Variants in WNT7A observed in about 807,000 individuals in gnomAD.
WNT7A encodes protein Wnt-7a.
A neutral mutation model predicts 28.2 loss-of-function variants in WNT7A; 16 were observed. The observed-to-expected ratio is 0.57, with a 90% confidence interval of 0.38 to 0.86. The LOEUF is 0.86. Ranked by LOEUF, WNT7A falls within the 40% of genes least tolerant of loss-of-function variation. The probability of loss-of-function intolerance (pLI) is 0.00; values close to 1 mark genes in which losing one functional copy is unlikely to be tolerated. For missense variants in WNT7A, 411 were observed against 489.7 expected (o/e 0.84, Z 1.52); for synonymous variants, 190 against 195.9 (o/e 0.97, Z 0.25).
chr3:13,839,405 G>A (rs1694422076), intron 3 of WNT7A, among the ~76,000 whole-genome samples: 1 of 152,220 alleles, frequency 6.6e-6, no homozygotes, highest in African/African-American at 2.4e-5. Flanking sequence ...CGTAACAGGT[G>A]AAATATTAAG....
At chr3:13,858,983 T>C (rs1425138328) in intron 2 of WNT7A, among the ~76,000 whole-genome samples, 2 of 152,152 alleles carry the variant, frequency 1.3e-5, no homozygotes, top group African/African-American at 4.8e-5. Flanking sequence ...CTCTGTGAAA[T>C]GGGTACAATT....
chr3:13,874,432 C>T (rs1307306860), intron 2 of WNT7A, among the ~76,000 whole-genome samples: 4 of 152,166 alleles, frequency 2.6e-5, no homozygotes, highest in African/African-American at 4.8e-5. Flanking sequence ...CCACAGGAGT[C>T]AAGCGGATCA....
At chr3:13,834,686 G>T (rs1392264946) in intron 3 of WNT7A, among the ~76,000 whole-genome samples, 2 of 152,102 alleles carry the variant, frequency 1.3e-5, no homozygotes, top group East Asian at 3.9e-4. Context: ...TCTCCACATG[G>T]CTCCCTTCCT....
intron 2 of WNT7A, among the ~76,000 whole-genome samples, chr3:13,861,543 A>T (rs1694831574): frequency 1.3e-5 from 2 of 152,200 alleles, no homozygotes; most frequent in African/African-American, 4.8e-5. Context: ...CAGGGCAGTG[A>T]TGGGAGTGGG....
Position 13,819,162 on chromosome 3 carries a change from A to T in WNT7A, c.832T>A (p.Cys278Ser). Residue 278 changes from cysteine to serine, a missense_variant, in exon 4 of 4, where the codon TGC (cysteine) becomes AGC (serine). Physicochemically the swap from Cys to Ser is moderately radical, Grantham distance 112. Transcript: ENST00000285018. The stretch of plus-strand genomic sequence containing the variant: ...CTGCCGGTCACCGGGTCCTCCTCGC[A>T]GTAGTTGGGCGACTTCTCGATGTAC... ...LVYIEKSPNY[C>S]EEDPVTGSVG... is the part of the protein sequence containing the mutation. 9 of 1,614,206 alleles carry T rather than the reference A, an allele frequency of 5.6e-6. No individual in the cohort carries two copies. The highest frequency in any genetic ancestry group is 7.6e-6 in the Non-Finnish European group (9 of 1,180,044).
intron 3 of WNT7A, among the ~76,000 whole-genome samples, chr3:13,830,441 C>T (rs1481190431): frequency 6.6e-6 from 1 of 152,116 alleles, no homozygotes; most frequent in Non-Finnish European, 1.5e-5. Flanking sequence ...CTCCAAGCAC[C>T]CACCCTGCAC....
intron 3 of WNT7A, 61 bp from the exon 4 acceptor site, chr3:13,819,484 C>T: frequency 1.3e-6 from 2 of 1,557,462 alleles, no homozygotes; most frequent in South Asian, 2.3e-5. Flanking sequence ...CCAAGTGCAG[C>T]CCCCAGCTCC....
intron 3 of WNT7A, among the ~76,000 whole-genome samples, chr3:13,833,711 G>C (rs1694319273): frequency 6.6e-6 from 1 of 152,210 alleles, no homozygotes; most frequent in Admixed American, 6.5e-5. Context: ...CCTGGGGTGA[G>C]GCAATTGGGT....
intron 3 of WNT7A, among the ~76,000 whole-genome samples, chr3:13,825,941 G>A (rs900037657): frequency 1.3e-5 from 2 of 152,120 alleles, no homozygotes; most frequent in African/African-American, 4.8e-5. Flanking sequence ...AACCCCACCG[G>A]CCACACTCCT....
intron 3 of WNT7A, among the ~76,000 whole-genome samples, chr3:13,822,835 A>G (rs1694134358): frequency 6.6e-6 from 1 of 152,204 alleles, no homozygotes; most frequent in South Asian, 2.1e-4. Flanking sequence ...ACTGAGGGCT[A>G]CTACCGTGGT....
chr3:13,845,835 G>A (rs9864634), intron 3 of WNT7A, among the ~76,000 whole-genome samples: 5,238 of 152,316 alleles, frequency 0.034, 313 homozygotes, highest in African/African-American at 0.12. Flanking sequence ...GAGAGACACC[G>A]AGGCGAGTCT....
intron 1 of WNT7A, among the ~76,000 whole-genome samples, chr3:13,879,203 T>G (rs747459427): frequency 2.6e-5 from 4 of 152,132 alleles, no homozygotes; most frequent in Non-Finnish European, 5.9e-5. Context: ...GAGCGGCGGT[T>G]TATGTTTTTG....
intron 2 of WNT7A, among the ~76,000 whole-genome samples, chr3:13,865,451 T>C (rs1032637412): frequency 6.6e-6 from 1 of 152,142 alleles, no homozygotes; most frequent in Non-Finnish European, 1.5e-5. Context: ...AATGCAGAGA[T>C]GGACAGGATA....
chr3:13,879,829 C>T lies in WNT7A; in HGVS notation c.-13G>A. ...CTTTCCGGTTCATAGTCCCGATTGG[C>T]CGCCGGGGCCGCGGGCCGGGCTGTG... On this transcript the variant is annotated 5_prime_UTR_variant, in exon 1 of 4. Transcript: ENST00000285018. 1 of 1,607,466 alleles carries T rather than the reference C, an allele frequency of 6.2e-7. No individual in the cohort carries two copies. The highest frequency in any genetic ancestry group is 8.5e-7 in the Non-Finnish European group (1 of 1,176,806).
At chr3:13,848,676 T>C (rs1279303081) in intron 3 of WNT7A, among the ~76,000 whole-genome samples, 3 of 152,154 alleles carry the variant, frequency 2.0e-5, no homozygotes, top group Non-Finnish European at 2.9e-5. Flanking sequence ...AAATGGAAAA[T>C]GGTTTGGCAC....
chr3:13,822,481 C>A (rs549130814), intron 3 of WNT7A, among the ~76,000 whole-genome samples: 1 of 152,190 alleles, frequency 6.6e-6, no homozygotes, highest in Non-Finnish European at 1.5e-5. Context: ...GGCCACATAT[C>A]GTGTGATTCC....
chr3:13,879,675 G>T, intron 1 of WNT7A, 71 bp downstream of exon 1: 7 of 1,536,090 alleles, frequency 4.6e-6, no homozygotes, highest in Non-Finnish European at 6.2e-6. Context: ...GCTCGCAGGC[G>T]GCACACCTCC....
chr3:13,856,884 GAAGAAGAAA>G (rs1314908519), intron 2 of WNT7A, among the ~76,000 whole-genome samples: 2,339 of 70,550 alleles, frequency 0.033, 55 homozygotes, highest in African/African-American at 0.098. Context: ...AGAAGAGGAA[GAAGAAGAAA>G]AAGAAGAAGA....
At chr3:13,835,935 C>T (rs79427070) in intron 3 of WNT7A, among the ~76,000 whole-genome samples, 3,842 of 152,198 alleles carry the variant, frequency 0.025, 164 homozygotes, top group African/African-American at 0.087. Context: ...AAGACCACAG[C>T]GTGTATGCTT....
Sources: gnomAD v4.1 joint callset for allele counts (sites outside exome capture counted in the v4.1 genomes callset) on GRCh38, gnomAD v4.1.1 for gene constraint, MANE v1.5 for transcripts, NCBI Gene and HGNC (gene_info 2026-07-23, HGNC 2026-07-21) for gene names.